Variants in MAPK10 observed in about 807,000 individuals in gnomAD.
The protein encoded by MAPK10 is JNK3 alpha protein kinase.
A neutral mutation model predicts 59.3 loss-of-function variants in MAPK10; 25 were observed. The ratio of observed to expected loss-of-function variants is 0.42; its 90% CI spans 0.31 to 0.59. MAPK10 has a LOEUF of 0.59. Ranked by LOEUF, MAPK10 falls within the 20% of genes least tolerant of loss-of-function variation. The pLI, the probability that MAPK10 is intolerant of heterozygous loss-of-function variation, is 0.15. For missense variants in MAPK10, 351 were observed against 568.9 expected, an observed-to-expected ratio of 0.62 and a Z score of 3.90; for synonymous variants, 190 against 200.5, an observed-to-expected ratio of 0.95 and a Z score of 0.44.
intron 2 of MAPK10, among the ~76,000 whole-genome samples, chr4:86,294,419 G>C (rs2095305533): frequency 6.6e-6 from 1 of 151,984 alleles, no homozygotes; most frequent in African/African-American, 2.4e-5. Flanking sequence ...AATACAAATA[G>C]GTTAAGTTGT....
chr4:86,161,579 A>G (rs184180945), intron 3 of MAPK10, among the ~76,000 whole-genome samples: 2 of 81,140 alleles, frequency 2.5e-5, no homozygotes, highest in East Asian at 1.3e-3. Flanking sequence ...TCATCTGTCA[A>G]GTTTAATTTG....
intron 3 of MAPK10, among the ~76,000 whole-genome samples, chr4:86,181,708 A>T (rs779693496): frequency 1.3e-5 from 2 of 152,078 alleles, no homozygotes; most frequent in Non-Finnish European, 2.9e-5. Context: ...CCTGGGAGTT[A>T]AGGAGGAAGA....
intron 1 of MAPK10, among the ~76,000 whole-genome samples, chr4:86,520,982 C>A (rs1757069684): frequency 6.6e-6 from 1 of 152,218 alleles, no homozygotes; most frequent in Non-Finnish European, 1.5e-5. Flanking sequence ...GCTCTCCCAG[C>A]CATACATACC....
At chr4:86,090,804 A>G (rs1011484314) in intron 9 of MAPK10, 4 of 152,194 alleles carry the variant, frequency 2.6e-5, no homozygotes. Context: ...AAATCTCAAT[A>G]TGCAGTGTTT....
chr4:86,230,538 T>G (rs986385982), intron 2 of MAPK10, among the ~76,000 whole-genome samples: 1 of 152,234 alleles, frequency 6.6e-6, no homozygotes. Flanking sequence ...ACCATGAGGA[T>G]AAATTTCTGG....
intron 1 of MAPK10, among the ~76,000 whole-genome samples, chr4:86,367,228 T>A (rs987384850): frequency 2.6e-5 from 4 of 152,186 alleles, no homozygotes; most frequent in African/African-American, 9.7e-5. Flanking sequence ...ATTATGGAAC[T>A]GAATCAATAG....
At chr4:86,363,108 A>T (rs1036457117), upstream of MAPK10, among the ~76,000 whole-genome samples, 8 of 152,198 alleles carry the variant, frequency 5.3e-5, no homozygotes, top group African/African-American at 9.7e-5. Context: ...TGGGTTCCAC[A>T]TCTGTAGATT....
intron 2 of MAPK10, chr4:86,300,593 T>C (rs930952723): frequency 1.3e-5 from 2 of 152,218 alleles, no homozygotes; most frequent in African/African-American, 4.8e-5. Flanking sequence ...ATGAAAAAGT[T>C]GTAGAACAAT....
intron 1 of MAPK10, among the ~76,000 whole-genome samples, chr4:86,542,794 G>T (rs1050680358): frequency 6.6e-6 from 1 of 152,122 alleles, no homozygotes; most frequent in East Asian, 1.9e-4. Context: ...CTTTGCTTTT[G>T]AGACTGAAAC....
chr4:86,556,896 C>T (rs1760312899), intron 1 of MAPK10, among the ~76,000 whole-genome samples: 1 of 151,930 alleles, frequency 6.6e-6, no homozygotes, highest in Non-Finnish European at 1.5e-5. Context: ...CTTACAATTC[C>T]ATGCTCAGTT....
intron 1 of MAPK10, among the ~76,000 whole-genome samples, chr4:86,355,774 G>A (rs1043318695): frequency 6.6e-6 from 1 of 152,128 alleles, no homozygotes; most frequent in African/African-American, 2.4e-5. Flanking sequence ...ATGCTGTGCT[G>A]GAGCTTCCGC....
chr4:86,124,612 T>C (rs911475039), intron 4 of MAPK10: 1 of 151,998 alleles, frequency 6.6e-6, no homozygotes, highest in African/African-American at 2.4e-5. Flanking sequence ...AAGAATGTGC[T>C]GAAATGGACT....
chr4:86,386,025 G>T (rs1442900407), intron 1 of MAPK10, among the ~76,000 whole-genome samples: 1 of 152,148 alleles, frequency 6.6e-6, no homozygotes. Flanking sequence ...TATCGTCCAA[G>T]ATCTGCCCCC....
chr4:86,206,898 CT>C (rs1326956392), intron 2 of MAPK10, among the ~76,000 whole-genome samples: 1 of 151,972 alleles, frequency 6.6e-6, no homozygotes, highest in Non-Finnish European at 1.5e-5. Flanking sequence ...GGGTTGTATG[CT>C]TTTTTCTTGT....
At chr4:86,410,260 C>T (rs537976403) in intron 1 of MAPK10, among the ~76,000 whole-genome samples, 2 of 152,238 alleles carry the variant, frequency 1.3e-5, no homozygotes, top group African/African-American at 2.4e-5. Context: ...CTGACTTGAT[C>T]GTTGTGGATA....
intron 1 of MAPK10, among the ~76,000 whole-genome samples, chr4:86,531,148 G>T (rs909048361): frequency 6.6e-5 from 10 of 152,150 alleles, no homozygotes; most frequent in African/African-American, 2.2e-4. Flanking sequence ...GAGCACTGGG[G>T]ATTTACTAAA....
intron 2 of MAPK10, among the ~76,000 whole-genome samples, chr4:86,214,075 C>G (rs2086643252): frequency 6.6e-6 from 1 of 151,968 alleles, no homozygotes; most frequent in South Asian, 2.1e-4. Context: ...GATGGTTCAA[C>G]ATACAAAAAT....
intron 3 of MAPK10, among the ~76,000 whole-genome samples, chr4:86,180,541 T>A (rs191833888): frequency 6.7e-6 from 1 of 148,740 alleles, no homozygotes; most frequent in African/African-American, 2.5e-5. Context: ...CAAAGAGATA[T>A]CTGCACCCCC....
chr4:86,129,760 A>G (rs868431530), intron 4 of MAPK10, among the ~76,000 whole-genome samples: 14 of 152,154 alleles, frequency 9.2e-5, no homozygotes, highest in East Asian at 1.9e-4. Context: ...GCCCTCCCCA[A>G]TGCATCCTGC....
Sources: gnomAD v4.1 joint callset for allele counts (sites outside exome capture counted in the v4.1 genomes callset) on GRCh38, gnomAD v4.1.1 for gene constraint, MANE v1.5 for transcripts, NCBI Gene and HGNC (gene_info 2026-07-23, HGNC 2026-07-21) for gene names.